Variants in MEMO1 observed in about 807,000 individuals in gnomAD.
The protein encoded by MEMO1 is mediator of cell motility 1.
In MEMO1, 6 loss-of-function variants were observed where a neutral mutation model predicts 45.2. That is an observed-to-expected ratio of 0.13 (90% confidence interval 0.07 to 0.26). The LOEUF (loss-of-function observed/expected upper bound fraction) is 0.26, where lower values mean the gene tolerates loss of function less well. MEMO1 is among the 10% of genes least tolerant of loss of function. The pLI is 1.00. For synonymous variants in MEMO1, 78 were observed against 124.3 expected (o/e 0.63, Z 2.48); for missense variants, 184 against 370.5 (o/e 0.50, Z 4.13).
rs367639470 is a variant in MEMO1 at position 31,969,586 on chromosome 2, GGTGTGTGTGTGTGTGTGTGT to G, written c.62-26223_62-26204del. On this transcript the variant is annotated intron_variant, in intron 2 of 9. Coordinates refer to ENST00000404530, the MANE Select transcript of MEMO1 (RefSeq NM_001301833.4). ...AATCTTTTCTGGGGGTGTGTGTGTG[GGTGTGTGTGTGTGTGTGTGT>G]GTGTGTGTGTGTGTGTGTGTGTGTG... Among the ~76,000 whole-genome samples, 10 of 119,228 alleles carry G rather than the reference GGTGTGTGTGTGTGTGTGTGT, an allele frequency of 8.4e-5. 1 individual carries two copies. Among genetic ancestry groups the G allele is most frequent in the African/African-American group, 1.6e-4 (5 of 30,480 alleles). The allele number at this position is 119,228 out of a possible 152,430, so 78.2% of individuals were successfully genotyped here. A position where few individuals can be genotyped will look rare whatever the true frequency, so the allele number is the denominator to read the frequency against.
intron 3 of MEMO1, among the ~76,000 whole-genome samples, chr2:31,942,386 T>C (rs1665716937): frequency 6.6e-6 from 1 of 152,248 alleles, no homozygotes; most frequent in African/African-American, 2.4e-5. Context: ...TATTCATTTA[T>C]AGCAATGGCT....
chr2:31,896,735 TAGG>T (rs1677874133), intron 6 of MEMO1, among the ~76,000 whole-genome samples: 1 of 152,294 alleles, frequency 6.6e-6, no homozygotes, highest in African/African-American at 2.4e-5. Context: ...AGTCATACAT[TAGG>T]AGAAGATATT....
chr2:31,936,570 G>C (rs889572178), intron 3 of MEMO1, among the ~76,000 whole-genome samples: 3 of 152,120 alleles, frequency 2.0e-5, no homozygotes, highest in Non-Finnish European at 2.9e-5. Context: ...GGATGCAAAG[G>C]CCATTCATTG....
chr2:32,005,927 T>C (rs1017596325), intron 2 of MEMO1, among the ~76,000 whole-genome samples: 3 of 152,152 alleles, frequency 2.0e-5, no homozygotes, highest in African/African-American at 7.2e-5. Flanking sequence ...GTAGGTTTCT[T>C]GGAGGTGTTA....
intron 7 of MEMO1, among the ~76,000 whole-genome samples, chr2:31,883,978 T>A (rs926386849): frequency 6.6e-6 from 1 of 151,110 alleles, no homozygotes; most frequent in African/African-American, 2.4e-5. Flanking sequence ...TTAAAAATTA[T>A]CTCATTTTTG....
chr2:31,948,985 A>C (rs1666497785), intron 2 of MEMO1, among the ~76,000 whole-genome samples: 1 of 152,226 alleles, frequency 6.6e-6, no homozygotes, highest in African/African-American at 2.4e-5. Flanking sequence ...GAAGATATAC[A>C]ATGGCAAACA....
intron 5 of MEMO1, 58 bp from the exon 6 acceptor site, chr2:31,918,095 G>A (rs1681736669): frequency 8.4e-7 from 1 of 1,187,734 alleles, no homozygotes; most frequent in African/African-American, 1.6e-5. Context: ...CTTATCCTGT[G>A]AGATTCCACC....
chr2:31,873,835 G>A (rs554982539), intron 8 of MEMO1, among the ~76,000 whole-genome samples: 1 of 152,104 alleles, frequency 6.6e-6, no homozygotes, highest in East Asian at 1.9e-4. Flanking sequence ...GAGGTATCAA[G>A]ATAAAATAGT....
chr2:31,915,059 G>A (rs1045284064), intron 6 of MEMO1, among the ~76,000 whole-genome samples: 1 of 151,850 alleles, frequency 6.6e-6, no homozygotes, highest in Non-Finnish European at 1.5e-5. Flanking sequence ...TTGAGACCAG[G>A]AGGCAGAGGC....
intron 7 of MEMO1, among the ~76,000 whole-genome samples, chr2:31,887,217 A>G (rs1676312568): frequency 6.6e-6 from 1 of 152,322 alleles, no homozygotes; most frequent in East Asian, 1.9e-4. Context: ...TCAACTAATG[A>G]GGACAAACAT....
At chr2:31,906,192 G>A (rs1403026240) in intron 6 of MEMO1, among the ~76,000 whole-genome samples, 5 of 151,850 alleles carry the variant, frequency 3.3e-5, no homozygotes, top group Admixed American at 2.6e-4. Context: ...GACTTGTCTC[G>A]AACTCCTGAC....
intron 2 of MEMO1, chr2:31,963,400 C>A (rs1668251545): frequency 3.0e-6 from 3 of 1,001,896 alleles, no homozygotes; most frequent in Non-Finnish European, 3.9e-6. Context: ...CTCCAAGAAG[C>A]AAGGAAAGCT....
intron 2 of MEMO1, among the ~76,000 whole-genome samples, chr2:31,949,616 T>A (rs1445726870): frequency 8.9e-6 from 1 of 112,180 alleles, no homozygotes; most frequent in African/African-American, 3.6e-5. Flanking sequence ...GAGGGTTGGA[T>A]AGGAGGTGGA....
intron 2 of MEMO1, among the ~76,000 whole-genome samples, chr2:31,944,571 T>C (rs1485851154): frequency 6.6e-6 from 1 of 152,244 alleles, no homozygotes; most frequent in Non-Finnish European, 1.5e-5. Context: ...TCCTTGTTCC[T>C]ATCAAGAGCC....
intron 2 of MEMO1, among the ~76,000 whole-genome samples, chr2:31,968,963 T>A (rs1668953295): frequency 6.6e-6 from 1 of 152,000 alleles, no homozygotes; most frequent in African/African-American, 2.4e-5. Flanking sequence ...AAAAAAATGG[T>A]TGATAAACTA....
chr2:31,875,241 A>T (rs34805211), intron 8 of MEMO1, among the ~76,000 whole-genome samples: 17,347 of 152,186 alleles, frequency 0.11, 1,031 homozygotes, highest in Middle Eastern at 0.19. Flanking sequence ...TAAAATTTTT[A>T]AAATTATGTT....
intron 8 of MEMO1, among the ~76,000 whole-genome samples, chr2:31,880,902 T>C (rs1419990062): frequency 6.6e-6 from 1 of 152,104 alleles, no homozygotes; most frequent in Non-Finnish European, 1.5e-5. Flanking sequence ...TAAATGTCTA[T>C]AGTCCCAGCT....
chr2:31,945,974 A>G (rs1008770584), intron 2 of MEMO1, among the ~76,000 whole-genome samples: 1 of 152,196 alleles, frequency 6.6e-6, no homozygotes, highest in African/African-American at 2.4e-5. Flanking sequence ...TGTAAGGGTG[A>G]GCATTCTTTT....
chr2:31,886,468 A>C (rs913533683), intron 7 of MEMO1, among the ~76,000 whole-genome samples: 3 of 152,172 alleles, frequency 2.0e-5, no homozygotes, highest in African/African-American at 4.8e-5. Context: ...AACTGAGTTT[A>C]AAATACCACT....
Sources: gnomAD v4.1 joint callset for allele counts (sites outside exome capture counted in the v4.1 genomes callset) on GRCh38, gnomAD v4.1.1 for gene constraint, MANE v1.5 for transcripts, NCBI Gene and HGNC (gene_info 2026-07-23, HGNC 2026-07-21) for gene names.